The following ZNF644 variants were observed in gnomAD, a reference collection of about 807,000 sequenced individuals.
ZNF644 encodes zinc finger protein 644.
In ZNF644, 20 loss-of-function variants were observed where a neutral mutation model predicts 108.0. The ratio of observed to expected loss-of-function variants is 0.19; its 90% CI spans 0.13 to 0.27. The LOEUF (loss-of-function observed/expected upper bound fraction) is 0.27. Among genes scored for constraint, ZNF644 ranks in the 10% least tolerant of loss-of-function variants. The pLI is 1.00. For missense variants in ZNF644, 1,338 were observed against 1,548.9 expected, an observed-to-expected ratio of 0.86 and a Z score of 2.29; for synonymous variants, 542 against 539.1, an observed-to-expected ratio of 1.01 and a Z score of -0.08.
At chr1:90,973,651 T>C (rs1236108157) in intron 2 of ZNF644, among the ~76,000 whole-genome samples, 1 of 152,164 alleles carries the variant, frequency 6.6e-6, no homozygotes, top group African/African-American at 2.4e-5. Context: ...TATAAACTTT[T>C]GTTTAAGAAA....
At chr1:91,005,016 T>C (rs78252655) in intron 1 of ZNF644, among the ~76,000 whole-genome samples, 17,368 of 152,096 alleles carry the variant, frequency 0.11, 1,055 homozygotes, top group South Asian at 0.16. Flanking sequence ...TGGAAATTAA[T>C]CAGGCACTCC....
chr1:90,920,694 G>A (rs1649331057), intron 4 of ZNF644, among the ~76,000 whole-genome samples: 1 of 152,016 alleles, frequency 6.6e-6, no homozygotes, highest in African/African-American at 2.4e-5. Flanking sequence ...TATAACCTTG[G>A]AAAGCAGGAC....
At chr1:90,957,132 CAAGTA>C (rs1036178614) in intron 2 of ZNF644, among the ~76,000 whole-genome samples, 7 of 151,868 alleles carry the variant, frequency 4.6e-5, no homozygotes, top group Non-Finnish European at 8.8e-5. Flanking sequence ...AGACCTAGTA[CAAGTA>C]AAGAGAATGA....
At chr1:90,933,560 A>G (rs1319545643) in intron 4 of ZNF644, among the ~76,000 whole-genome samples, 2 of 152,122 alleles carry the variant, frequency 1.3e-5, no homozygotes, top group African/African-American at 4.8e-5. Flanking sequence ...GCTACTCGGG[A>G]GGCTGAGGCA....
rs184993286 is a variant in ZNF644, at chr1:90,938,114, A to G, written c.3083-24T>C. On this transcript the variant is annotated intron_variant, in intron 3 of 5. Coordinates refer to ENST00000337393, the MANE Select transcript of ZNF644 (RefSeq NM_201269.3). This position sits in a 1 kb window ranked among gnomAD's most constrained non-coding sequence, Gnocchi z 4.2. The stretch of plus-strand genomic sequence containing the variant: ...AGCTAGAAAAAAATTTTTAAGAGTA[A>G]TATCAGACTTTCTTATATAAACTGA... 1.7e-4 allele frequency: 277 copies of G among 1,610,176 alleles called. 1 individual carries two copies. The highest frequency in any genetic ancestry group is 2.9e-4 in the African/African-American group (22 of 74,802).
rs770601376 is a variant in ZNF644, at chr1:90,938,509, G to C, written c.2845C>G (p.His949Asp). Residue 949 changes from histidine to aspartate, a missense_variant, in exon 3 of 6, where the codon CAT becomes GAT. His to Asp is a moderately conservative substitution (Grantham distance 81). This residue lies in a region of ZNF644 where 462 missense variants were observed against 472.6 expected (regional missense o/e 0.98). Coordinates refer to ENST00000337393, the MANE Select transcript of ZNF644 (RefSeq NM_201269.3). The surrounding 1 kb of genome is among the most constrained non-coding windows in gnomAD (Gnocchi z 4.2). ...TCAGTCCAATGAAAAACAGAACTAT[G>C]CTTTGACAATGAAGCATCTGCAGTT... ...LETADASLSK[H>D]SSVFHWTDLS... 1 of 1,613,964 alleles carries C rather than the reference G, an allele frequency of 6.2e-7. No homozygotes were observed. Among genetic ancestry groups the C allele is most frequent in the Non-Finnish European group, 8.5e-7 (1 of 1,179,898 alleles).
chr1:90,919,575 GAC>G (rs986359355), intron 4 of ZNF644, among the ~76,000 whole-genome samples: 41 of 152,146 alleles, frequency 2.7e-4, no homozygotes, highest in African/African-American at 9.9e-4. Context: ...TAAAATCTAG[GAC>G]ACAGTCTTTT....
At chr1:90,984,768 G>A (rs980917811) in intron 1 of ZNF644, among the ~76,000 whole-genome samples, 2 of 152,112 alleles carry the variant, frequency 1.3e-5, no homozygotes, top group Admixed American at 6.6e-5. Context: ...AGATGCCTCA[G>A]GAGAAACAAA....
chr1:90,937,951 A>G lies in ZNF644; in HGVS notation c.3222T>C (p.Ser1074=). Residue 1074 remains serine, a synonymous_variant, in exon 4 of 6, where the codon TCT becomes TCC. Coordinates refer to ENST00000337393, the MANE Select transcript of ZNF644 (RefSeq NM_201269.3). ...TCATCTCATTCAGAACACAGATTGG[A>G]GATTTGTGAGCATCCCATTTCGTCT... ...LGKTKWDAHK[S]PICVLNEMMQ... The G allele has an allele frequency of 6.2e-7, 1 of 1,613,204 alleles. No individual in the cohort carries two copies. The highest frequency in any genetic ancestry group is 8.5e-7 in the Non-Finnish European group (1 of 1,179,856).
At chr1:90,958,434 T>A (rs565003562) in intron 2 of ZNF644, among the ~76,000 whole-genome samples, 1 of 152,042 alleles carries the variant, frequency 6.6e-6, no homozygotes, top group East Asian at 1.9e-4. Flanking sequence ...TCTATCCCTA[T>A]CAAAATTCTA....
At chr1:90,962,377 C>T (rs1304189905) in intron 2 of ZNF644, among the ~76,000 whole-genome samples, 1 of 151,720 alleles carries the variant, frequency 6.6e-6, no homozygotes, top group Non-Finnish European at 1.5e-5. Flanking sequence ...TTTATTTATG[C>T]CAAAGCTGAT....
Position 90,916,743 on chromosome 1 carries a change from A to C in ZNF644, c.*55T>G, listed in dbSNP as rs1648807410. The C allele has an allele frequency of 8.1e-6, 13 of 1,596,220 alleles. No individual in the cohort carries two copies. In the South Asian group the frequency reaches 8.9e-5, roughly 11 times the overall value. Reference sequence around the variant, plus strand: ...GATAATTTAATGTGGCTTAAAAAAAAAGAATTTCAAATTTACATCCAATTC... The same window carrying C: ...GATAATTTAATGTGGCTTAAAAAAACAGAATTTCAAATTTACATCCAATTC... On this transcript the variant is annotated 3_prime_UTR_variant, in exon 6 of 6. Transcript: ENST00000337393.
chr1:90,978,921 A>T (rs1656268391), intron 2 of ZNF644, among the ~76,000 whole-genome samples: 1 of 152,210 alleles, frequency 6.6e-6, no homozygotes, highest in Non-Finnish European at 1.5e-5. Flanking sequence ...AAGGAACAGC[A>T]TGAGAAAATG....
At chr1:90,997,739 C>T (rs962035257) in intron 1 of ZNF644, among the ~76,000 whole-genome samples, 11 of 152,126 alleles carry the variant, frequency 7.2e-5, no homozygotes, top group Non-Finnish European at 1.3e-4. Context: ...CGAAGCAGGG[C>T]GAGGCATCGC....
chr1:90,987,267 T>TAAA (rs376546432), intron 1 of ZNF644, among the ~76,000 whole-genome samples: 1 of 108,802 alleles, frequency 9.2e-6, no homozygotes, highest in African/African-American at 3.4e-5. Flanking sequence ...TTTTTTTTTT[T>TAAA]AAAAAAAGAT....
chr1:91,002,575 C>T (rs913197753), intron 1 of ZNF644, among the ~76,000 whole-genome samples: 2 of 152,070 alleles, frequency 1.3e-5, no homozygotes, highest in Admixed American at 1.3e-4. Flanking sequence ...CCACAAAAAC[C>T]CTAGAAGAAA....
At chr1:91,021,747 C>A in intron 1 of ZNF644, 1 of 305,618 alleles carries the variant, frequency 3.3e-6, no homozygotes, top group Non-Finnish European at 6.0e-6. Flanking sequence ...ACCCGGGGCC[C>A]GGGCTCCTTG....
At chr1:90,995,331 C>A (rs1297057761) in intron 1 of ZNF644, among the ~76,000 whole-genome samples, 4 of 152,040 alleles carry the variant, frequency 2.6e-5, no homozygotes, top group Non-Finnish European at 4.4e-5. Flanking sequence ...GGAAATAAAA[C>A]TGTCTAATCC....
chr1:90,948,744 C>T (rs570984241), intron 2 of ZNF644, among the ~76,000 whole-genome samples: 18 of 152,272 alleles, frequency 1.2e-4, no homozygotes, highest in African/African-American at 4.3e-4. Flanking sequence ...GTTCAAGGGT[C>T]AACTGTATTT....
Sources: allele counts gnomAD v4.1 joint callset (sites outside exome capture counted in the v4.1 genomes callset), GRCh38; gene constraint gnomAD v4.1.1; regional missense constraint gnomAD v4.1.1; non-coding constraint Gnocchi (gnomAD v3.1); transcripts MANE v1.5; gene names NCBI Gene and HGNC (gene_info 2026-07-23, HGNC 2026-07-21).